Variants in NOC4L observed in about 807,000 individuals in gnomAD.
The protein encoded by NOC4L is nucleolar complex associated 4 homolog.
A neutral mutation model predicts 62.8 loss-of-function variants in NOC4L; 40 were observed. That is an observed-to-expected ratio of 0.64 (90% CI 0.49 to 0.83). The LOEUF (loss-of-function observed/expected upper bound fraction) is 0.83. Among genes scored for constraint, NOC4L ranks in the 40% least tolerant of loss-of-function variants. The pLI is 0.00. For missense variants in NOC4L, 927 were observed against 701.9 expected, an observed-to-expected ratio of 1.32 and a Z score of -3.62; for synonymous variants, 433 against 299.8, an observed-to-expected ratio of 1.44 and a Z score of -4.59.
At chr12:132,146,816 C>T (rs544582666) in intron 3 of NOC4L, among the ~76,000 whole-genome samples, 96 of 152,254 alleles carry the variant, frequency 6.3e-4, no homozygotes, top group African/African-American at 2.2e-3. Context: ...TCATCCCGCA[C>T]GAGGCTCTTT....
chr12:132,144,689 G>A (rs1897639818), intron 1 of NOC4L, 84 bp downstream of exon 1: 2 of 1,453,622 alleles, frequency 1.4e-6, no homozygotes, highest in Non-Finnish European at 1.8e-6. Flanking sequence ...GTCCCCAGGA[G>A]GTTCCGAGAC....
intron 9 of NOC4L, 21 bp from the exon 10 acceptor site, chr12:132,150,960 C>G (rs1638240761): frequency 6.3e-7 from 1 of 1,591,144 alleles, no homozygotes; most frequent in Non-Finnish European, 8.6e-7. Flanking sequence ...GCAGCTCCAG[C>G]CTGTGTCTGT....
At position 132,152,344 on chromosome 12, in the gene NOC4L, C is replaced by A; in HGVS notation, c.1494C>A (p.Ala498=). The A allele has an allele frequency of 6.4e-7, 1 of 1,570,302 alleles. No individual in the cohort carries two copies. The highest frequency in any genetic ancestry group is 1.2e-5 in the South Asian group (1 of 86,030). Residue 498 remains alanine, a synonymous_variant, in exon 15 of 15, where the codon GCC becomes GCA. Coordinates refer to ENST00000330579, the MANE Select transcript of NOC4L (RefSeq NM_024078.3). ...PEPVPLEFIP[A]QGLLGRPGEL... ...CGGTGCCACTGGAGTTTATCCCAGCCCAGGGCCTGCTGGGACGGCCGGGTG... is the reference window on the plus strand; with the variant it reads ...CGGTGCCACTGGAGTTTATCCCAGCACAGGGCCTGCTGGGACGGCCGGGTG...
rs879004850 is a variant in NOC4L at position 132,151,380 on chromosome 12, G to C, written c.1073+12G>C. On this transcript the variant is annotated intron_variant, in intron 11 of 14. Coordinates refer to ENST00000330579, the MANE Select transcript of NOC4L (RefSeq NM_024078.3). ...TTCCTGTCCTCCTCGTGAGTACCAG[G>C]GCACCTGGCTCTGCCCTGCTCTGTG... 6.2e-7 allele frequency: 1 copy of C among 1,607,386 alleles called. No homozygotes were observed. The highest frequency in any genetic ancestry group is 1.1e-5 in the South Asian group (1 of 91,082).
Position 132,144,500 on chromosome 12 carries a change from G to A in NOC4L, c.12G>A (p.Glu4=), listed in dbSNP as rs778220342. 3.3e-6 allele frequency: 5 copies of A among 1,520,732 alleles called. No homozygotes were observed. Among genetic ancestry groups the A allele is most frequent in the Non-Finnish European group, 4.4e-6 (5 of 1,145,606 alleles). The allele number at this position is 1,520,732 out of a possible 1,614,324, so 94.2% of individuals were successfully genotyped here. A position where few individuals can be genotyped will look rare whatever the true frequency, so the allele number is the denominator to read the frequency against. Residue 4 remains glutamate (E), a synonymous_variant, in exon 1 of 15, where the codon GAG becomes GAA. Coordinates refer to ENST00000330579, the MANE Select transcript of NOC4L (RefSeq NM_024078.3). MER[E]PGAAGVRRAL... Reference sequence around the variant, plus strand: ...GTGTTGGGGGCGGCATGGAGCGGGAGCCGGGCGCCGCGGGAGTTCGCCGGG... The same window carrying A: ...GTGTTGGGGGCGGCATGGAGCGGGAACCGGGCGCCGCGGGAGTTCGCCGGG...
rs112889701 is a variant in NOC4L at position 132,148,178 on chromosome 12, T to C, written c.738+72T>C. ...TGTGTGGGGTGCATGTGAGACCCCA[T>C]GGAGGCTGCCGCCTTCCTCACCAGA... On this transcript the variant is annotated intron_variant, in intron 7 of 14. Coordinates refer to ENST00000330579, the MANE Select transcript of NOC4L (RefSeq NM_024078.3). 11,684 of 1,482,430 alleles carry C rather than the reference T, an allele frequency of 7.9e-3. 69 individuals are homozygous for C. Among genetic ancestry groups the C allele is most frequent in the Middle Eastern group, 0.041 (182 of 4,472 alleles). 91.8% of individuals were successfully genotyped at this position (1,482,430 alleles called of 1,614,324 possible).
chr12:132,147,781 AGGTGGG>A lies in NOC4L; in HGVS notation c.603_603+5del. The A allele has an allele frequency of 6.2e-7, 1 of 1,612,388 alleles. No individual in the cohort carries two copies. The highest frequency in any genetic ancestry group is 8.5e-7 in the Non-Finnish European group (1 of 1,179,894). Reference sequence around the variant, plus strand: ...GCCCGGGTCACTGGCCAGCACCCCGAGGTGGGTGATGGGGTCCTGTCGCCAGCATCA... The same window carrying A: ...GCCCGGGTCACTGGCCAGCACCCCGATGATGGGGTCCTGTCGCCAGCATCA... On this transcript the variant is annotated splice_donor_variant and splice_donor_5th_base_variant and coding_sequence_variant and intron_variant, in exon 5 of 15. Coordinates refer to ENST00000330579, the MANE Select transcript of NOC4L (RefSeq NM_024078.3). LOFTEE classifies it high-confidence loss of function.
chr12:132,152,445 C>T lies in NOC4L; in HGVS notation c.*44C>T, dbSNP rs906379357. ...TAAATCTCAGCTGACCCCAGCCCAC[C>T]TGTGAATAAATGTTTTTGCAGGAGA... On this transcript the variant is annotated 3_prime_UTR_variant, in exon 15 of 15. Transcript: ENST00000330579. The T allele has an allele frequency of 6.5e-7, 1 of 1,532,596 alleles. No homozygotes were observed. The highest frequency in any genetic ancestry group is 8.8e-7 in the Non-Finnish European group (1 of 1,134,622). The allele number at this position is 1,532,596 out of a possible 1,614,324, so 94.9% of individuals were successfully genotyped here.
intron 9 of NOC4L, 96 bp from the exon 10 acceptor site, chr12:132,150,885 C>A: frequency 1.1e-6 from 1 of 877,706 alleles, no homozygotes; most frequent in Non-Finnish European, 1.8e-6. Context: ...ACAGCAGGGG[C>A]AGAGGCCACA....
At chr12:132,145,077 A>G in intron 2 of NOC4L, 103 bp downstream of exon 2, 6 of 1,444,156 alleles carry the variant, frequency 4.2e-6, no homozygotes, top group African/African-American at 1.4e-5. Flanking sequence ...CAGGCCGTGC[A>G]GGCTGGTGGG....
intron 1 of NOC4L, 113 bp from the exon 2 acceptor site, chr12:132,144,741 C>A: frequency 1.1e-6 from 1 of 924,190 alleles, no homozygotes; most frequent in South Asian, 1.8e-5. Flanking sequence ...GGTCACGGGT[C>A]GGGGGTGACG....
In NOC4L at chr12:132,144,546, G is replaced by A; in HGVS notation, c.58G>A (p.Ala20Thr). 6.6e-7 allele frequency: 1 copy of A among 1,518,368 alleles called. No individual in the cohort carries two copies. Among genetic ancestry groups the A allele is most frequent in the Non-Finnish European group, 8.8e-7 (1 of 1,141,408 alleles). 94.1% of individuals were successfully genotyped at this position (1,518,368 alleles called of 1,614,324 possible). The change falls in exon 1 of 15, where the codon GCG (alanine) becomes ACG (threonine). Residue 20 changes from alanine (A) to threonine (T), a missense_variant. Physicochemically the swap from Ala to Thr is moderately conservative, Grantham distance 58. Transcript: ENST00000330579. ...VRRALGRRLE[A>T]VLASRSEANA... ...CCGGGCTCTGGGCCGCCGGCTGGAG[G>A]CGGTGCTGGCGAGCCGCAGTGAGGC...
At chr12:132,148,949 G>GC in intron 9 of NOC4L, 54 bp downstream of exon 9, 1 of 375,612 alleles carries the variant, frequency 2.7e-6, no homozygotes, top group Non-Finnish European at 4.8e-6. Context: ...GGTGAGTGCC[G>GC]CCGCCTCACT....
intron 10 of NOC4L, 95 bp downstream of exon 10, chr12:132,151,136 C>T (rs1897922860): frequency 1.4e-6 from 2 of 1,434,534 alleles, no homozygotes; most frequent in Non-Finnish European, 9.7e-7. Context: ...CCCCGCTTTC[C>T]TCACAGGCCA....
rs753205984 is a variant in NOC4L at position 132,144,495 on chromosome 12, C to A, written c.7C>A (p.Arg3=). The A allele has an allele frequency of 1.3e-6, 2 of 1,522,836 alleles. No homozygotes were observed. Among genetic ancestry groups the A allele is most frequent in the East Asian group, 2.6e-5 (1 of 38,558 alleles). 94.3% of individuals were successfully genotyped at this position (1,522,836 alleles called of 1,614,324 possible). A position where few individuals can be genotyped will look rare whatever the true frequency, so the allele number is the denominator to read the frequency against. ...GTTCCGTGTTGGGGGCGGCATGGAG[C>A]GGGAGCCGGGCGCCGCGGGAGTTCG... ME[R]EPGAAGVRRA... is the part of the protein sequence containing the mutation. Residue 3 remains arginine (R), a synonymous_variant, in exon 1 of 15, where the codon CGG becomes AGG. Coordinates refer to ENST00000330579, the MANE Select transcript of NOC4L (RefSeq NM_024078.3).
chr12:132,147,328 G>T lies in NOC4L; in HGVS notation c.393G>T (p.Ala131=). The T allele has an allele frequency of 1.3e-6, 2 of 1,593,110 alleles. No individual in the cohort carries two copies. The highest frequency in any genetic ancestry group is 1.7e-6 in the Non-Finnish European group (2 of 1,169,536). The change falls in exon 4 of 15, where the codon GCG becomes GCT. Residue 131 remains alanine (A), a synonymous_variant. Transcript: ENST00000330579. ...ALLKFVQLEG[A]HPLEKSKWEG... ...TGAAGTTCGTGCAGCTGGAAGGAGC[G>T]CACCCCCTGGAGAAGTCCAAGTGGG...
intron 13 of NOC4L, 25 bp from the exon 14 acceptor site, chr12:132,152,059 C>T: frequency 1.3e-6 from 2 of 1,550,378 alleles, no homozygotes; most frequent in Non-Finnish European, 8.7e-7. Context: ...GGGGCAGCTG[C>T]CTCTTAACGG....
rs1209763877 is a variant in NOC4L at position 132,145,415 on chromosome 12, T to C, written c.239-144T>C. 6.7e-6 allele frequency: 4 copies of C among 598,104 alleles called. No individual in the cohort carries two copies. The East Asian group carries it at 1.1e-4, about 17-fold the overall frequency. The allele number at this position is 598,104 out of a possible 1,614,324, so 37.0% of individuals were successfully genotyped here. ...GGGAATGTGCTGGTCTCAGCACAGGTCTGGGGGCCTTAGCGACCTGTTTCC... is the reference window on the plus strand; with the variant it reads ...GGGAATGTGCTGGTCTCAGCACAGGCCTGGGGGCCTTAGCGACCTGTTTCC... On this transcript the variant is annotated intron_variant, in intron 2 of 14. Coordinates refer to ENST00000330579, the MANE Select transcript of NOC4L (RefSeq NM_024078.3).
At chr12:132,148,741 C>A (rs1196743597) in intron 8 of NOC4L, 43 bp from the exon 9 acceptor site, 4 of 444,530 alleles carry the variant, frequency 9.0e-6, no homozygotes, top group East Asian at 1.5e-4. Flanking sequence ...CCGCCGGCCC[C>A]CGCCCACCCG....
Sources: gnomAD v4.1 joint callset for allele counts (sites outside exome capture counted in the v4.1 genomes callset) on GRCh38, gnomAD v4.1.1 for gene constraint, MANE v1.5 for transcripts, NCBI Gene and HGNC (gene_info 2026-07-23, HGNC 2026-07-21) for gene names.